Variants in LPAR1 observed in about 807,000 individuals in gnomAD.
LPAR1 encodes the protein LPA receptor 1.
Under a neutral mutation model 23.8 loss-of-function variants are expected in LPAR1, and 5 were observed. That is an observed-to-expected ratio of 0.21 (90% CI 0.11 to 0.44). The LOEUF (loss-of-function observed/expected upper bound fraction) is 0.44. Ranked by LOEUF, LPAR1 falls within the 20% of genes least tolerant of loss-of-function variation. LPAR1 has a pLI of 0.99. For synonymous variants in LPAR1, 160 were observed against 164.7 expected (o/e 0.97, Z 0.22); for missense variants, 311 against 482.8 (o/e 0.64, Z 3.33).
intron 2 of LPAR1, among the ~76,000 whole-genome samples, chr9:110,988,529 G>T (rs2096834861): frequency 6.6e-6 from 1 of 151,976 alleles, no homozygotes; most frequent in Admixed American, 6.6e-5. Context: ...ACAGACAAAT[G>T]GCTAACAAGA....
intron 5 of LPAR1, among the ~76,000 whole-genome samples, chr9:110,914,674 A>G (rs1926724): frequency 0.026 from 4,002 of 152,304 alleles, 173 homozygotes; most frequent in African/African-American, 0.091. Context: ...TGAGAGTCTT[A>G]TCGAGGAAGG....
chr9:110,921,319 T>A (rs2093617057), intron 5 of LPAR1, among the ~76,000 whole-genome samples: 3 of 152,226 alleles, frequency 2.0e-5, no homozygotes, highest in Admixed American at 2.0e-4. Context: ...CCTTTCAATA[T>A]TTATGTTTCC....
chr9:110,945,696 A>G (rs557000925), intron 4 of LPAR1, among the ~76,000 whole-genome samples: 1 of 152,296 alleles, frequency 6.6e-6, no homozygotes, highest in East Asian at 1.9e-4. Context: ...ATCACCGGGA[A>G]GGCAAAGCTC....
chr9:110,877,571 T>C (rs1017126243), intron 5 of LPAR1, among the ~76,000 whole-genome samples: 3 of 152,222 alleles, frequency 2.0e-5, no homozygotes, highest in African/African-American at 7.2e-5. Flanking sequence ...GCATTATTCA[T>C]TGAGAAGCCA....
chr9:110,885,320 C>G (rs906262435), intron 5 of LPAR1, among the ~76,000 whole-genome samples: 1 of 152,098 alleles, frequency 6.6e-6, no homozygotes, highest in Admixed American at 6.5e-5. Context: ...GAATAGAGGA[C>G]CCTCTTAATT....
intron 5 of LPAR1, among the ~76,000 whole-genome samples, chr9:110,930,061 G>C (rs1464522250): frequency 1.3e-5 from 2 of 152,012 alleles, no homozygotes; most frequent in Non-Finnish European, 2.9e-5. Context: ...CCTCAACCAG[G>C]CCATTACAGA....
At chr9:110,919,811 G>A (rs1218942077) in intron 5 of LPAR1, among the ~76,000 whole-genome samples, 1 of 152,154 alleles carries the variant, frequency 6.6e-6, no homozygotes, top group African/African-American at 2.4e-5. Context: ...ACCAGGAAAT[G>A]TTTAACCCAG....
At chr9:110,939,235 G>A (rs1447821910) in intron 5 of LPAR1, among the ~76,000 whole-genome samples, 1 of 152,166 alleles carries the variant, frequency 6.6e-6, no homozygotes, top group East Asian at 1.9e-4. Flanking sequence ...CATCTGTTAG[G>A]ATTGTGACTT....
In LPAR1 at chr9:110,930,959, G is replaced by A. The variant is rs372718803; in HGVS notation, c.793+10462C>T. On this transcript the variant is annotated intron_variant, in intron 5 of 5. Coordinates refer to ENST00000683809, the MANE Select transcript of LPAR1 (RefSeq NM_001351411.2). ...GAATATTATGCCAGTGCAAAATGCA[G>A]CCAGAAAGTTCTAAGTAAATATTGT... 2.5e-4 allele frequency among the ~76,000 whole-genome samples: 38 copies of A among 152,234 alleles called. No individual in the cohort carries two copies. The South Asian group carries it at 6.2e-3, about 25-fold the overall frequency.
At chr9:111,030,695 C>T (rs1469132047) in intron 2 of LPAR1, among the ~76,000 whole-genome samples, 1 of 152,184 alleles carries the variant, frequency 6.6e-6, no homozygotes, top group Non-Finnish European at 1.5e-5. Context: ...TTGGTTGTCA[C>T]ACAGCTGGAA....
chr9:110,927,336 T>C (rs1181434999), intron 5 of LPAR1, among the ~76,000 whole-genome samples: 2 of 152,118 alleles, frequency 1.3e-5, no homozygotes, highest in African/African-American at 4.8e-5. Context: ...AGCTCTCACA[T>C]TCATTATCCA....
At chr9:111,032,717 A>G (rs974688064) in intron 2 of LPAR1, among the ~76,000 whole-genome samples, 8 of 152,206 alleles carry the variant, frequency 5.3e-5, no homozygotes, top group Non-Finnish European at 8.8e-5. Context: ...TCTAATCTAG[A>G]GCATTGTTTA....
chr9:110,972,918 G>C (rs1294640399), intron 3 of LPAR1, among the ~76,000 whole-genome samples: 1 of 151,888 alleles, frequency 6.6e-6, no homozygotes, highest in African/African-American at 2.4e-5. Context: ...CTGCACTCCA[G>C]CCTGGGCGAC....
chr9:111,019,097 T>C (rs2097511243), intron 2 of LPAR1, among the ~76,000 whole-genome samples: 1 of 152,136 alleles, frequency 6.6e-6, no homozygotes, highest in Non-Finnish European at 1.5e-5. Context: ...AATACATTCA[T>C]TAGGGAACTG....
chr9:111,009,406 T>C (rs2097283577), intron 2 of LPAR1, among the ~76,000 whole-genome samples: 1 of 152,134 alleles, frequency 6.6e-6, no homozygotes, highest in Non-Finnish European at 1.5e-5. Context: ...ACAAATTTTA[T>C]TGAGCATTTA....
intron 2 of LPAR1, among the ~76,000 whole-genome samples, chr9:111,011,686 G>A (rs1780680325): frequency 6.6e-6 from 1 of 152,108 alleles, no homozygotes; most frequent in East Asian, 1.9e-4. Flanking sequence ...CTTCAAGGAT[G>A]ACACCTAAAA....
At chr9:111,009,794 T>C (rs959230894) in intron 2 of LPAR1, among the ~76,000 whole-genome samples, 6 of 151,780 alleles carry the variant, frequency 4.0e-5, no homozygotes, top group African/African-American at 1.4e-4. Context: ...GGATGATTTT[T>C]ACCTATAATT....
chr9:111,011,579 GTTTC>G (rs1476598490), intron 2 of LPAR1, among the ~76,000 whole-genome samples: 3 of 152,272 alleles, frequency 2.0e-5, no homozygotes, highest in Middle Eastern at 3.4e-3. Flanking sequence ...CAGATTGTCT[GTTTC>G]TTTCTTTCCT....
intron 5 of LPAR1, among the ~76,000 whole-genome samples, chr9:110,912,290 G>A (rs1483712365): frequency 6.6e-6 from 1 of 152,144 alleles, no homozygotes; most frequent in East Asian, 1.9e-4. Flanking sequence ...ACAGAATTGT[G>A]CAACTTGTGA....
Sources: allele counts gnomAD v4.1 joint callset (sites outside exome capture counted in the v4.1 genomes callset), GRCh38; gene constraint gnomAD v4.1.1; transcripts MANE v1.5; gene names NCBI Gene and HGNC (gene_info 2026-07-23, HGNC 2026-07-21).